Variants in SARS1 observed in about 807,000 individuals in gnomAD.
The protein encoded by SARS1 is serine--tRNA ligase, cytoplasmic.
In SARS1, 25 loss-of-function variants were observed where a neutral mutation model predicts 63.7. The ratio of observed to expected loss-of-function variants is 0.39; its 90% CI spans 0.29 to 0.55. SARS1 has a LOEUF of 0.55. Ranked by LOEUF, SARS1 falls within the 20% of genes least tolerant of loss-of-function variation. SARS1 has a pLI of 0.62. For missense variants in SARS1, 417 were observed against 649.7 expected (o/e 0.64, Z 3.89); for synonymous variants, 231 against 243.5 (o/e 0.95, Z 0.48).
At chr1:109,223,690 G>C (rs1655007850) in intron 1 of SARS1, among the ~76,000 whole-genome samples, 3 of 152,292 alleles carry the variant, frequency 2.0e-5, no homozygotes, top group African/African-American at 4.8e-5. Flanking sequence ...TATAATCCCA[G>C]CTACTCGGGA....
At chr1:109,215,314 A>G in intron 1 of SARS1, 2 of 985,486 alleles carry the variant, frequency 2.0e-6, no homozygotes, top group Non-Finnish European at 2.4e-6. Context: ...CTGAATCTGA[A>G]GTCAGGAGTA....
chr1:109,230,786 C>T (rs982521692), intron 4 of SARS1, 92 bp from the exon 5 acceptor site: 49 of 1,161,198 alleles, frequency 4.2e-5, no homozygotes, highest in South Asian at 2.9e-4. Flanking sequence ...GCCTGGATGA[C>T]GGCGTAAGAC....
At position 109,214,788 on chromosome 1, in the gene SARS1, GT is replaced by G; in HGVS notation, c.136+663del. ...GCAAAAGATTGTAATGACTGAAGCTGTTTAATTGTGATTTGTGGACGTTTTC... is the reference window on the plus strand; with the variant it reads ...GCAAAAGATTGTAATGACTGAAGCTGTTAATTGTGATTTGTGGACGTTTTC... On this transcript the variant is annotated intron_variant, in intron 1 of 10. Transcript: ENST00000234677. The surrounding 1 kb of genome is among the most constrained non-coding windows in gnomAD (Gnocchi z 4.6). 1.0e-6 allele frequency: 1 copy of G among 985,446 alleles called. No homozygotes were observed. Among genetic ancestry groups the G allele is most frequent in the Non-Finnish European group, 1.2e-6 (1 of 829,930 alleles). 61.0% of individuals were successfully genotyped at this position (985,446 alleles called of 1,614,324 possible). A position where few individuals can be genotyped will look rare whatever the true frequency, so the allele number is the denominator to read the frequency against.
At position 109,214,579 on chromosome 1, in the gene SARS1, C is replaced by T; in HGVS notation, c.136+451C>T. 2.0e-6 allele frequency: 2 copies of T among 988,100 alleles called. No homozygotes were observed. The highest frequency in any genetic ancestry group is 2.4e-6 in the Non-Finnish European group (2 of 831,446). 61.2% of individuals were successfully genotyped at this position (988,100 alleles called of 1,614,324 possible). ...GGCTTCTCCTGAGACTGCGTCACTT[C>T]TGCAACACAGTAGATTCATTCCTTC... On this transcript the variant is annotated intron_variant, in intron 1 of 10. Transcript: ENST00000234677. The surrounding 1 kb of genome is among the most constrained non-coding windows in gnomAD (Gnocchi z 4.6).
At position 109,237,156 on chromosome 1, in the gene SARS1, A is replaced by G; in HGVS notation, c.1258-88A>G. 1 of 1,525,508 alleles carries G rather than the reference A, an allele frequency of 6.6e-7. No homozygotes were observed. Among genetic ancestry groups the G allele is most frequent in the East Asian group, 2.3e-5 (1 of 44,218 alleles). 94.5% of individuals were successfully genotyped at this position (1,525,508 alleles called of 1,614,324 possible). On this transcript the variant is annotated intron_variant, in intron 9 of 10. Coordinates refer to ENST00000234677, the MANE Select transcript of SARS1 (RefSeq NM_006513.4). The surrounding 1 kb of genome is among the most constrained non-coding windows in gnomAD (Gnocchi z 4.1). ...TTGATTTGGACAGTTGTGGTTGGGG[A>G]AGTCTGGTTGAATGGATGGTTCCTG...
chr1:109,237,176 T>C lies in SARS1; in HGVS notation c.1258-68T>C. ...TGGGGAAGTCTGGTTGAATGGATGG[T>C]TCCTGGCCGTCAGTAAGACCCGATG... is the stretch of plus-strand genomic sequence containing the variant. On this transcript the variant is annotated intron_variant, in intron 9 of 10. Coordinates refer to ENST00000234677, the MANE Select transcript of SARS1 (RefSeq NM_006513.4). This position sits in a 1 kb window ranked among gnomAD's most constrained non-coding sequence, Gnocchi z 4.1. 1 of 1,560,152 alleles carries C rather than the reference T, an allele frequency of 6.4e-7. No homozygotes were observed. The highest frequency in any genetic ancestry group is 8.6e-7 in the Non-Finnish European group (1 of 1,156,710).
At position 109,229,516 on chromosome 1, in the gene SARS1, A is replaced by G; in HGVS notation, c.391A>G (p.Asn131Asp). ...AAAGTTGGAAGCAGAGCGGTTTGAGAACCTCCGAGAGATTGGGAACCTTCT... is the reference window on the plus strand; with the variant it reads ...AAAGTTGGAAGCAGAGCGGTTTGAGGACCTCCGAGAGATTGGGAACCTTCT... ...RIKLEAERFENLREIGNLLHP... is the reference protein window; with the variant it reads ...RIKLEAERFEDLREIGNLLHP... Residue 131 changes from asparagine (N) to aspartate (D), a missense_variant, in exon 4 of 11, where the codon AAC (asparagine) becomes GAC (aspartate). Asn to Asp is a conservative substitution (Grantham distance 23). This residue lies in a region of SARS1 where 359 missense variants were observed against 529.6 expected (regional missense o/e 0.68). Transcript: ENST00000234677. 6.2e-7 allele frequency: 1 copy of G among 1,614,146 alleles called. No homozygotes were observed.
At chr1:109,236,743 A>G in intron 9 of SARS1, 195 bp downstream of exon 9, 1 of 1,538,010 alleles carries the variant, frequency 6.5e-7, no homozygotes, top group Non-Finnish European at 8.7e-7. Context: ...ACCTGAATCT[A>G]GCTCTCTTCT....
At position 109,231,716 on chromosome 1, in the gene SARS1, C is replaced by G; in HGVS notation, c.677C>G (p.Pro226Arg). 1 of 1,599,200 alleles carries G rather than the reference C, an allele frequency of 6.3e-7. No homozygotes were observed. Among genetic ancestry groups the G allele is most frequent in the Non-Finnish European group, 8.5e-7 (1 of 1,173,518 alleles). The part of the protein sequence containing the change: ...GSRGYIPIYT[P>R]FFMRKEVMQE... ...CGGGGCTACATTCCCATTTATACCC[C>G]CTTTTTCATGAGGAAGGAGGTCATG... is the stretch of plus-strand genomic sequence containing the variant. The change falls in exon 6 of 11, where the codon CCC (proline) becomes CGC (arginine). Residue 226 changes from proline (P) to arginine (R), a missense_variant. Around this residue, in one of 3 missense-constraint regions of SARS1, gnomAD observed 359 missense variants for 529.6 expected, o/e 0.68. Transcript: ENST00000234677.
chr1:109,217,744 G>C (rs373880305), intron 1 of SARS1, among the ~76,000 whole-genome samples: 1 of 151,894 alleles, frequency 6.6e-6, no homozygotes, highest in Admixed American at 6.6e-5. Context: ...ATTTTTTGTA[G>C]AGACAGAGTC....
intron 6 of SARS1, among the ~76,000 whole-genome samples, chr1:109,234,848 C>A (rs925248172): frequency 6.6e-6 from 1 of 152,164 alleles, no homozygotes; most frequent in Non-Finnish European, 1.5e-5. Flanking sequence ...TGCCTGTAAT[C>A]CCAGCTACTC....
rs1655350805 is a variant in SARS1 at position 109,237,987 on chromosome 1, GC to G, written c.*104del. 4 of 1,351,480 alleles carry G rather than the reference GC, an allele frequency of 3.0e-6. No homozygotes were observed. The highest frequency in any genetic ancestry group is 2.7e-5 in the South Asian group (2 of 74,472). The allele number at this position is 1,351,480 out of a possible 1,614,324, so 83.7% of individuals were successfully genotyped here. A position where few individuals can be genotyped will look rare whatever the true frequency, so the allele number is the denominator to read the frequency against. On this transcript the variant is annotated 3_prime_UTR_variant, in exon 11 of 11. Coordinates refer to ENST00000234677, the MANE Select transcript of SARS1 (RefSeq NM_006513.4). The surrounding 1 kb of genome is among the most constrained non-coding windows in gnomAD (Gnocchi z 4.1). ...AAGCCAAGCACCCATTCATCCCCCT[GC>G]CCCCATCTGACTGCGTAGCTGAGAG...
chr1:109,234,829 G>A (rs980806629), intron 6 of SARS1, among the ~76,000 whole-genome samples: 5 of 152,172 alleles, frequency 3.3e-5, no homozygotes, highest in African/African-American at 9.7e-5. Flanking sequence ...AGCTGAGCGT[G>A]GTGGCGCGTG....
chr1:109,221,970 G>GTATATATATATATATATA (rs773937466), intron 1 of SARS1, among the ~76,000 whole-genome samples: 2 of 28,066 alleles, frequency 7.1e-5, no homozygotes, highest in African/African-American at 2.9e-4. Context: ...TTGTGTGTGT[G>GTATATATATATATATATA]TATATATATA....
chr1:109,237,868 A>T lies in SARS1; in HGVS notation c.1525A>T (p.Met509Leu). The change falls in exon 11 of 11, where the codon ATG (methionine) becomes TTG (leucine). Residue 509 changes from methionine (M) to leucine (L), a missense_variant. Met to Leu is a conservative substitution (Grantham distance 15). Coordinates refer to ENST00000234677, the MANE Select transcript of SARS1 (RefSeq NM_006513.4). This position sits in a 1 kb window ranked among gnomAD's most constrained non-coding sequence, Gnocchi z 4.1. ...CACCCTAGAAAACAGGCTGCAGAAC[A>T]TGGAGGTCACCGATGCTTGAACATT... Reference protein sequence around the residue: ...DVTLENRLQNMEVTDA With the variant: ...DVTLENRLQNLEVTDA 1 of 1,614,214 alleles carries T rather than the reference A, an allele frequency of 6.2e-7. No individual in the cohort carries two copies.
Position 109,219,530 on chromosome 1 carries a change from T to G in SARS1, c.137-4448T>G, listed in dbSNP as rs79416527. On this transcript the variant is annotated intron_variant, in intron 1 of 10. Transcript: ENST00000234677. ...ATATGGCTTCTTTCTTTTTTTTTTT[T>G]GAGACAGATTCTTGCTCAGTCACCC... is the stretch of plus-strand genomic sequence containing the variant. Among the ~76,000 whole-genome samples the G allele has an allele frequency of 6.2e-3, 939 of 151,230 alleles. 12 individuals are homozygous for G. The highest frequency in any genetic ancestry group is 0.022 in the African/African-American group (892 of 41,258).
Position 109,228,393 on chromosome 1 carries a change from T to C in SARS1, c.249T>C (p.Asn83=), listed in dbSNP as rs1430341706. ...GAGATGATGAGTCTGTCCCAGAGAA[T>C]GTGCTGAGTTTCGATGACCTTACTG... ...PVGDDESVPE[N]VLSFDDLTAD... The change falls in exon 3 of 11, where the codon AAT becomes AAC. Residue 83 remains asparagine, a synonymous_variant. Transcript: ENST00000234677. 1.2e-6 allele frequency: 2 copies of C among 1,614,030 alleles called. No individual in the cohort carries two copies. Among genetic ancestry groups the C allele is most frequent in the East Asian group, 2.2e-5 (1 of 44,876 alleles).
chr1:109,234,214 G>A (rs556822081), intron 6 of SARS1, among the ~76,000 whole-genome samples: 19 of 151,858 alleles, frequency 1.3e-4, no homozygotes, highest in African/African-American at 4.6e-4. Flanking sequence ...AGTAGAGACG[G>A]GGTTTCACCA....
intron 6 of SARS1, among the ~76,000 whole-genome samples, chr1:109,232,786 A>AT (rs1190346756): frequency 6.6e-6 from 1 of 152,184 alleles, no homozygotes; most frequent in Non-Finnish European, 1.5e-5. Context: ...AACCCCTAAG[A>AT]TTAGATAATC....
Sources: gnomAD v4.1 joint callset for allele counts (sites outside exome capture counted in the v4.1 genomes callset) on GRCh38, gnomAD v4.1.1 for gene constraint, gnomAD v4.1.1 regional missense constraint, Gnocchi (gnomAD v3.1) non-coding constraint, MANE v1.5 for transcripts, NCBI Gene and HGNC (gene_info 2026-07-23, HGNC 2026-07-21) for gene names.